The following RELN variants were observed in gnomAD, a reference collection of about 807,000 sequenced individuals.
RELN encodes reelin.
In RELN, 108 loss-of-function variants were observed where a neutral mutation model predicts 427.6. That is an observed-to-expected ratio of 0.25 (90% CI 0.22 to 0.30). RELN has a LOEUF of 0.30. Ranked by LOEUF, RELN falls within the 10% of genes least tolerant of loss-of-function variation. The pLI is 1.00. For missense variants in RELN, 3,715 were observed against 4,302.8 expected, an observed-to-expected ratio of 0.86 and a Z score of 3.82; for synonymous variants, 1,524 against 1,513.4, an observed-to-expected ratio of 1.01 and a Z score of -0.16.
At chr7:103,505,934 C>T (rs1035801054) in intron 51 of RELN, among the ~76,000 whole-genome samples, 5 of 152,048 alleles carry the variant, frequency 3.3e-5, no homozygotes, top group Non-Finnish European at 7.4e-5. Flanking sequence ...ACGAGAACTT[C>T]GTGAAGCATA....
At chr7:103,737,593 C>T (rs1790526998) in intron 6 of RELN, among the ~76,000 whole-genome samples, 2 of 152,216 alleles carry the variant, frequency 1.3e-5, no homozygotes, top group Admixed American at 1.3e-4. Flanking sequence ...CACCCATCAT[C>T]TTGAAATCTC....
Position 103,494,394 on chromosome 7 carries a change from G to GTGTGTGT in RELN, c.9369+1328_9369+1329insACACACA, listed in dbSNP as rs774896895. Among the ~76,000 whole-genome samples, 523 of 134,538 alleles carry GTGTGTGT rather than the reference G, an allele frequency of 3.9e-3. 5 individuals are homozygous for GTGTGTGT. Among genetic ancestry groups the GTGTGTGT allele is most frequent in the African/African-American group, 0.014 (478 of 33,424 alleles). 88.3% of individuals were successfully genotyped at this position (134,538 alleles called of 152,430 possible). A position where few individuals can be genotyped will look rare whatever the true frequency, so the allele number is the denominator to read the frequency against. On this transcript the variant is annotated intron_variant, in intron 57 of 64. Transcript: ENST00000428762. ...GTGTGTGTGTGTGTGTGTGTGTGTG[G>GTGTGTGT]GATATGGTCTTGTTCTGTTGCCCTA...
chr7:103,575,210 T>C (rs1378532135), intron 29 of RELN, among the ~76,000 whole-genome samples: 2 of 152,206 alleles, frequency 1.3e-5, no homozygotes, highest in Non-Finnish European at 1.5e-5. Context: ...TACAGTACTA[T>C]GACAGAGTTA....
rs377507626 is a variant in RELN at position 103,654,815 on chromosome 7, A to G, written c.1442-610T>C. Among the ~76,000 whole-genome samples the G allele has an allele frequency of 2.4e-4, 36 of 152,188 alleles. No homozygotes were observed. The East Asian group carries it at 2.7e-3, about 11-fold the overall frequency. The stretch of plus-strand genomic sequence containing the variant: ...TTATAGTCATGGAAAACAATATGCC[A>G]TTGAAGCTGAAGAGCAATTAAGATC... On this transcript the variant is annotated intron_variant, in intron 12 of 64. Coordinates refer to ENST00000428762, the MANE Select transcript of RELN (RefSeq NM_005045.4).
chr7:103,542,213 C>G (rs1830191308), intron 43 of RELN, among the ~76,000 whole-genome samples: 1 of 152,172 alleles, frequency 6.6e-6, no homozygotes, highest in Admixed American at 6.5e-5. Context: ...GTGAGTGAAT[C>G]ATTGGAAAGA....
chr7:103,680,192 G>A (rs1833623115), intron 11 of RELN, among the ~76,000 whole-genome samples: 1 of 152,048 alleles, frequency 6.6e-6, no homozygotes, highest in Admixed American at 6.6e-5. Context: ...GGAGAGAGAA[G>A]TGGAGGGTGA....
chr7:103,539,778 G>A (rs1830138038), intron 44 of RELN, among the ~76,000 whole-genome samples: 1 of 152,162 alleles, frequency 6.6e-6, no homozygotes, highest in Non-Finnish European at 1.5e-5. Flanking sequence ...AAGATCCTTT[G>A]GAGCAGTCTA....
chr7:103,883,263 G>T (rs768457647), intron 2 of RELN, among the ~76,000 whole-genome samples: 2 of 151,876 alleles, frequency 1.3e-5, no homozygotes, highest in African/African-American at 2.4e-5. Flanking sequence ...CACTCAACTG[G>T]GTATTGATGG....
rs1831486105 is a variant in RELN, at chr7:103,594,228, G to C, written c.3711+93C>G. On this transcript the variant is annotated intron_variant, in intron 26 of 64. Transcript: ENST00000428762. ...CCCTTAAACTTATATTATACATTCAGTGTCAAGCACTAAATCCTTAAGGAA... is the reference window on the plus strand; with the variant it reads ...CCCTTAAACTTATATTATACATTCACTGTCAAGCACTAAATCCTTAAGGAA... 2.4e-6 allele frequency: 3 copies of C among 1,227,064 alleles called. No individual in the cohort carries two copies. The East Asian group carries it at 7.0e-5, about 28-fold the overall frequency. The allele number at this position is 1,227,064 out of a possible 1,614,324, so 76.0% of individuals were successfully genotyped here.
chr7:103,901,499 C>T (rs972086720), intron 2 of RELN, among the ~76,000 whole-genome samples: 1 of 152,020 alleles, frequency 6.6e-6, no homozygotes, highest in East Asian at 1.9e-4. Flanking sequence ...TGGAAACAAT[C>T]CAAATTTCCA....
intron 2 of RELN, 99 bp from the exon 3 acceptor site, chr7:103,833,771 G>A (rs898771033): frequency 8.4e-7 from 1 of 1,197,486 alleles, no homozygotes; most frequent in Non-Finnish European, 1.2e-6. Flanking sequence ...TTCATGTTAA[G>A]GTTCTATGCT....
At chr7:103,567,045 C>A (rs1172697031) in intron 31 of RELN, among the ~76,000 whole-genome samples, 2 of 152,144 alleles carry the variant, frequency 1.3e-5, no homozygotes, top group African/African-American at 4.8e-5. Flanking sequence ...AAACCTGCCT[C>A]AGATCACGTA....
intron 3 of RELN, among the ~76,000 whole-genome samples, chr7:103,819,862 T>G (rs1006106430): frequency 1.3e-5 from 2 of 152,042 alleles, no homozygotes; most frequent in Non-Finnish European, 2.9e-5. Flanking sequence ...GAGCAGTTAT[T>G]CATGCTCTCG....
chr7:103,654,768 T>C (rs1562942053), intron 12 of RELN, among the ~76,000 whole-genome samples: 1 of 152,086 alleles, frequency 6.6e-6, no homozygotes, highest in African/African-American at 2.4e-5. Context: ...ACATAGAGTA[T>C]TTTATTCTCT....
intron 1 of RELN, among the ~76,000 whole-genome samples, chr7:103,957,018 A>G (rs1796447073): frequency 6.6e-6 from 1 of 152,196 alleles, no homozygotes; most frequent in African/African-American, 2.4e-5. Context: ...TAAGAATTTT[A>G]CCCTAACACA....
intron 11 of RELN, among the ~76,000 whole-genome samples, chr7:103,673,064 A>G (rs1474137316): frequency 1.3e-5 from 2 of 152,088 alleles, no homozygotes; most frequent in Non-Finnish European, 1.5e-5. Context: ...ATTTTTCAAA[A>G]CTTACTGTGA....
chr7:103,679,390 C>T (rs983202599), intron 11 of RELN, among the ~76,000 whole-genome samples: 5 of 152,168 alleles, frequency 3.3e-5, no homozygotes, highest in South Asian at 2.1e-4. Flanking sequence ...AGAAGAATTA[C>T]GCCACTTTTA....
At chr7:103,667,881 C>G (rs985689419) in intron 11 of RELN, among the ~76,000 whole-genome samples, 1 of 152,160 alleles carries the variant, frequency 6.6e-6, no homozygotes, top group Non-Finnish European at 1.5e-5. Flanking sequence ...TAGCATATAT[C>G]TATAATATCA....
At chr7:103,533,372 A>G (rs1829981825) in intron 46 of RELN, among the ~76,000 whole-genome samples, 1 of 152,254 alleles carries the variant, frequency 6.6e-6, no homozygotes, top group African/African-American at 2.4e-5. Context: ...TAAAACAAGG[A>G]AACACCATAT....
Sources: allele counts gnomAD v4.1 joint callset (sites outside exome capture counted in the v4.1 genomes callset), GRCh38; gene constraint gnomAD v4.1.1; transcripts MANE v1.5; gene names NCBI Gene and HGNC (gene_info 2026-07-23, HGNC 2026-07-21).